The following STAU2 variants were observed in gnomAD, a reference collection of about 807,000 sequenced individuals.
STAU2 encodes double-stranded RNA-binding protein Staufen homolog 2.
STAU2 carries 20 observed loss-of-function variants against 65.9 expected under a neutral mutation model. That is an observed-to-expected ratio of 0.30 (90% confidence interval 0.21 to 0.44). The LOEUF is 0.44. Ranked by LOEUF, STAU2 falls within the 20% of genes least tolerant of loss-of-function variation. The pLI, the probability that STAU2 is intolerant of heterozygous loss-of-function variation, is 1.00. For synonymous variants in STAU2, 232 were observed against 233.9 expected (o/e 0.99, Z 0.07); for missense variants, 558 against 683.9 (o/e 0.82, Z 2.05).
intron 13 of STAU2, among the ~76,000 whole-genome samples, chr8:73,487,074 T>C (rs1820956452): frequency 6.6e-6 from 1 of 152,098 alleles, no homozygotes; most frequent in Non-Finnish European, 1.5e-5. Context: ...ATTGAACTCT[T>C]GAGACGTCTG....
At position 73,468,375 on chromosome 8, in the gene STAU2, C is replaced by T. The variant is rs1053685875; in HGVS notation, c.1531-45673G>A. Among the ~76,000 whole-genome samples the T allele has an allele frequency of 4.6e-5, 7 of 152,158 alleles. 1 individual carries two copies. Among genetic ancestry groups the T allele is most frequent in the African/African-American group, 7.2e-5 (3 of 41,446 alleles). On this transcript the variant is annotated intron_variant, in intron 13 of 14. Transcript: ENST00000524300. ...CCCTAGAAGAAAACCTAGGCAATAC[C>T]GTTCAGGACATAGGCATAGGCAAGG...
chr8:73,483,342 A>G (rs950309461), intron 13 of STAU2, among the ~76,000 whole-genome samples: 6 of 152,142 alleles, frequency 3.9e-5, no homozygotes, highest in Non-Finnish European at 8.8e-5. Flanking sequence ...GCAATCATTG[A>G]CTTGGTTTGT....
chr8:73,575,884 T>C (rs1292942379), intron 12 of STAU2, among the ~76,000 whole-genome samples: 9 of 151,914 alleles, frequency 5.9e-5, no homozygotes, highest in Non-Finnish European at 1.3e-4. Context: ...GGACAAAAAA[T>C]ACGGAGAGCT....
intron 13 of STAU2, among the ~76,000 whole-genome samples, chr8:73,538,029 A>G (rs1806296411): frequency 6.6e-6 from 1 of 152,248 alleles, no homozygotes. Context: ...TTACAAAATA[A>G]GTAACTGATT....
chr8:73,606,462 C>T (rs913370292), intron 9 of STAU2, among the ~76,000 whole-genome samples: 4 of 152,004 alleles, frequency 2.6e-5, no homozygotes, highest in Non-Finnish European at 4.4e-5. Context: ...TTCATCAGGC[C>T]TCATGTGACA....
At chr8:73,562,654 C>T (rs1312333291) in intron 12 of STAU2, among the ~76,000 whole-genome samples, 2 of 152,178 alleles carry the variant, frequency 1.3e-5, no homozygotes, top group African/African-American at 4.8e-5. Flanking sequence ...GATGAAAGAA[C>T]TTAACCCACA....
At chr8:73,451,536 C>T (rs1223418849) in intron 13 of STAU2, among the ~76,000 whole-genome samples, 3 of 151,658 alleles carry the variant, frequency 2.0e-5, no homozygotes, top group East Asian at 3.9e-4. Flanking sequence ...CCTACAAATA[C>T]GGCTGAGGCA....
chr8:73,426,997 C>T (rs1037597501), intron 13 of STAU2, among the ~76,000 whole-genome samples: 4 of 147,998 alleles, frequency 2.7e-5, no homozygotes, highest in African/African-American at 1.0e-4. Context: ...GGCGTGAACT[C>T]GGCCCACCAC....
chr8:73,429,659 A>G (rs191367639), intron 13 of STAU2, among the ~76,000 whole-genome samples: 2 of 150,050 alleles, frequency 1.3e-5, no homozygotes, highest in Admixed American at 1.3e-4. Context: ...CTGGTCTCAA[A>G]CTCCCAAGCT....
intron 12 of STAU2, among the ~76,000 whole-genome samples, chr8:73,557,476 T>C (rs552097298): frequency 6.6e-6 from 1 of 152,288 alleles, no homozygotes; most frequent in Admixed American, 6.5e-5. Context: ...CAAAGAGTAA[T>C]TTAGGGTATG....
chr8:73,636,843 A>G (rs991380816), intron 6 of STAU2, among the ~76,000 whole-genome samples: 3 of 151,534 alleles, frequency 2.0e-5, no homozygotes, highest in African/African-American at 7.3e-5. Flanking sequence ...AGCCTGGGTG[A>G]CAGAGGAGAC....
chr8:73,665,879 C>T (rs1047930079), intron 6 of STAU2, among the ~76,000 whole-genome samples: 2 of 152,086 alleles, frequency 1.3e-5, no homozygotes, highest in Non-Finnish European at 2.9e-5. Context: ...CTATGCACAT[C>T]CTCCCATATA....
Position 73,615,544 on chromosome 8 carries a change from A to G in STAU2, c.678+131T>C. The G allele has an allele frequency of 4.8e-6, 3 of 630,678 alleles. No individual in the cohort carries two copies. In the South Asian group the frequency reaches 6.3e-5, roughly 13 times the overall value. 39.1% of individuals were successfully genotyped at this position (630,678 alleles called of 1,614,324 possible). On this transcript the variant is annotated intron_variant, in intron 8 of 14. Coordinates refer to ENST00000524300, the MANE Select transcript of STAU2 (RefSeq NM_001164380.2). ...TTTTCACCAGGGCCTAGATCATTTC[A>G]TAATACTGGGTTTGAACATATAGAA... is the stretch of plus-strand genomic sequence containing the variant.
intron 12 of STAU2, among the ~76,000 whole-genome samples, chr8:73,580,010 T>C (rs910251177): frequency 2.0e-5 from 3 of 152,216 alleles, no homozygotes; most frequent in Admixed American, 6.5e-5. Context: ...TGTCTACTTA[T>C]AGTTAGGTGC....
Position 73,428,416 on chromosome 8 carries a change from T to A in STAU2, c.1531-5714A>T, listed in dbSNP as rs181973852. 2.4e-4 allele frequency among the ~76,000 whole-genome samples: 37 copies of A among 152,264 alleles called. No individual in the cohort carries two copies. In the East Asian group the frequency reaches 6.9e-3, roughly 29 times the overall value. On this transcript the variant is annotated intron_variant, in intron 13 of 14. Coordinates refer to ENST00000524300, the MANE Select transcript of STAU2 (RefSeq NM_001164380.2). ...CACATCTTTGCTATTGTGAATACTGTTGCAATAAACATGAGGGTGCAGATA... is the reference window on the plus strand; with the variant it reads ...CACATCTTTGCTATTGTGAATACTGATGCAATAAACATGAGGGTGCAGATA...
At chr8:73,734,799 A>T (rs1485851066) in intron 3 of STAU2, among the ~76,000 whole-genome samples, 1 of 151,624 alleles carries the variant, frequency 6.6e-6, no homozygotes, top group Non-Finnish European at 1.5e-5. Flanking sequence ...ATCTCAAAAA[A>T]TAAAAAATAA....
chr8:73,580,468 C>T (rs1332542430), intron 12 of STAU2, among the ~76,000 whole-genome samples: 18 of 152,162 alleles, frequency 1.2e-4, no homozygotes, highest in Admixed American at 1.2e-3. Flanking sequence ...ATGTGCCATC[C>T]CACAAGATCC....
At chr8:73,680,401 C>T (rs1818349723) in intron 5 of STAU2, among the ~76,000 whole-genome samples, 1 of 151,992 alleles carries the variant, frequency 6.6e-6, no homozygotes, top group African/African-American at 2.4e-5. Context: ...CTCAGGAAGC[C>T]CCATTCATAG....
Position 73,613,694 on chromosome 8 carries a change from T to C in STAU2, c.891+50A>G, listed in dbSNP as rs753299839. The C allele has an allele frequency of 4.9e-6, 7 of 1,417,376 alleles. No homozygotes were observed. The African/African-American group carries it at 5.7e-5, about 12-fold the overall frequency. The allele number at this position is 1,417,376 out of a possible 1,614,324, so 87.8% of individuals were successfully genotyped here. A position where few individuals can be genotyped will look rare whatever the true frequency, so the allele number is the denominator to read the frequency against. On this transcript the variant is annotated intron_variant, in intron 9 of 14. Coordinates refer to ENST00000524300, the MANE Select transcript of STAU2 (RefSeq NM_001164380.2). ...TAGAAAAATGCTTATCTATAGCTAC[T>C]ATAATATTTATTTAGTAAAACTGAC...
Sources: allele counts gnomAD v4.1 joint callset (sites outside exome capture counted in the v4.1 genomes callset), GRCh38; gene constraint gnomAD v4.1.1; transcripts MANE v1.5; gene names NCBI Gene and HGNC (gene_info 2026-07-23, HGNC 2026-07-21).